The following SSBP2 variants were observed in gnomAD, a reference collection of about 807,000 sequenced individuals.
SSBP2 encodes single-stranded DNA-binding protein 2.
Under a neutral mutation model 61.8 loss-of-function variants are expected in SSBP2, and 17 were observed. The observed-to-expected ratio is 0.28, with a 90% confidence interval of 0.19 to 0.41. The LOEUF (loss-of-function observed/expected upper bound fraction) is 0.41. SSBP2 is among the 10% of genes least tolerant of loss of function. The probability of loss-of-function intolerance (pLI) is 1.00; values close to 1 mark genes in which losing one functional copy is unlikely to be tolerated. For missense variants in SSBP2, 310 were observed against 458.7 expected (o/e 0.68, Z 2.96); for synonymous variants, 139 against 141.3 (o/e 0.98, Z 0.12).
At chr5:81,441,743 T>C (rs1041451999) in intron 13 of SSBP2, among the ~76,000 whole-genome samples, 4 of 152,164 alleles carry the variant, frequency 2.6e-5, no homozygotes, top group African/African-American at 9.7e-5. Flanking sequence ...TAAAATTGAG[T>C]ATCTAAAAGC....
At chr5:81,716,369 C>T (rs1292268940) in intron 1 of SSBP2, among the ~76,000 whole-genome samples, 1 of 151,950 alleles carries the variant, frequency 6.6e-6, no homozygotes, top group South Asian at 2.1e-4. Context: ...AAAATGTGTA[C>T]AAAACACTGA....
At chr5:81,648,212 T>C (rs1194686211) in intron 2 of SSBP2, among the ~76,000 whole-genome samples, 4 of 152,142 alleles carry the variant, frequency 2.6e-5, no homozygotes, top group Non-Finnish European at 4.4e-5. Context: ...GCAATCTCAA[T>C]CACTTCTTCT....
At chr5:81,715,196 T>C (rs1482729437) in intron 1 of SSBP2, among the ~76,000 whole-genome samples, 1 of 151,960 alleles carries the variant, frequency 6.6e-6, no homozygotes, top group Admixed American at 6.6e-5. Context: ...TCAAAAGAAC[T>C]AACTCAATAA....
chr5:81,552,176 G>A (rs1211590118), intron 4 of SSBP2, among the ~76,000 whole-genome samples: 2 of 152,078 alleles, frequency 1.3e-5, no homozygotes, highest in African/African-American at 4.8e-5. Context: ...AGATAAATAA[G>A]CAAACAAGAG....
chr5:81,728,175 A>G (rs933080878), intron 1 of SSBP2, among the ~76,000 whole-genome samples: 3 of 152,238 alleles, frequency 2.0e-5, no homozygotes, highest in African/African-American at 7.2e-5. Flanking sequence ...GGGGAGTGAC[A>G]TGACAAGATA....
At chr5:81,428,323 T>C (rs1762080733) in intron 16 of SSBP2, among the ~76,000 whole-genome samples, 2 of 152,224 alleles carry the variant, frequency 1.3e-5, no homozygotes. Context: ...AGGCAACCTG[T>C]TTCCAGTTTG....
At chr5:81,581,649 G>C (rs952527271) in intron 4 of SSBP2, among the ~76,000 whole-genome samples, 1 of 152,118 alleles carries the variant, frequency 6.6e-6, no homozygotes, top group Non-Finnish European at 1.5e-5. Context: ...TAAAGTATAT[G>C]AGTTTATGAG....
intron 8 of SSBP2, 86 bp downstream of exon 8, chr5:81,473,614 C>G (rs1375555364): frequency 3.4e-6 from 4 of 1,161,856 alleles, no homozygotes; most frequent in Non-Finnish European, 5.1e-6. Flanking sequence ...ATACATGTAC[C>G]ACATTCTCTT....
rs185099517 is a variant in SSBP2, at chr5:81,716,777, T to C, written c.62+34204A>G. 6.5e-3 allele frequency among the ~76,000 whole-genome samples: 995 copies of C among 152,324 alleles called. 3 individuals carry two copies. The highest frequency in any genetic ancestry group is 0.01 in the Non-Finnish European group (703 of 68,028). On this transcript the variant is annotated intron_variant, in intron 1 of 16. Coordinates refer to ENST00000320672, the MANE Select transcript of SSBP2 (RefSeq NM_012446.5). ...GACTACCTAACATAATGCCTTATTG[T>C]AAGTACACTGCTATTATGAAGTTTA...
intron 4 of SSBP2, among the ~76,000 whole-genome samples, chr5:81,568,424 C>T (rs1342504004): frequency 6.6e-6 from 1 of 152,134 alleles, no homozygotes; most frequent in Non-Finnish European, 1.5e-5. Flanking sequence ...GTGAGGCTTC[C>T]CCTGCCACAT....
At chr5:81,426,336 C>T (rs2153899288) in intron 16 of SSBP2, among the ~76,000 whole-genome samples, 1 of 152,356 alleles carries the variant, frequency 6.6e-6, no homozygotes, top group South Asian at 2.1e-4. Flanking sequence ...CAGTGTGTAC[C>T]TGCTTCCAAG....
intron 9 of SSBP2, among the ~76,000 whole-genome samples, chr5:81,461,445 TA>T: frequency 6.6e-6 from 1 of 152,230 alleles, no homozygotes; most frequent in East Asian, 1.9e-4. Context: ...TATTATGAAC[TA>T]AATATAAACC....
chr5:81,458,124 C>T (rs1012194462), intron 10 of SSBP2, among the ~76,000 whole-genome samples: 9 of 152,204 alleles, frequency 5.9e-5, no homozygotes, highest in Admixed American at 5.2e-4. Flanking sequence ...AACAACCTCC[C>T]GCTCCAAACA....
intron 2 of SSBP2, among the ~76,000 whole-genome samples, chr5:81,640,426 G>A (rs1213119404): frequency 2.0e-5 from 3 of 152,020 alleles, no homozygotes; most frequent in Admixed American, 6.6e-5. Context: ...GGAACTTGAA[G>A]TTAGAAAAAC....
intron 15 of SSBP2, among the ~76,000 whole-genome samples, chr5:81,432,344 A>C (rs763945249): frequency 6.6e-6 from 1 of 152,216 alleles, no homozygotes; most frequent in Non-Finnish European, 1.5e-5. Context: ...ATTAAACATG[A>C]TATGATCAGA....
chr5:81,544,362 T>C (rs550251579), intron 4 of SSBP2, among the ~76,000 whole-genome samples: 43 of 152,190 alleles, frequency 2.8e-4, no homozygotes, highest in Admixed American at 9.8e-4. Flanking sequence ...TTATTTCTTA[T>C]TGTCAAGTGA....
At chr5:81,727,243 G>T (rs542481302) in intron 1 of SSBP2, among the ~76,000 whole-genome samples, 2 of 152,254 alleles carry the variant, frequency 1.3e-5, no homozygotes, top group South Asian at 2.1e-4. Flanking sequence ...ATTGTTGGGG[G>T]TATTAATCAC....
chr5:81,587,762 C>CGCGT (rs1554092920), intron 4 of SSBP2, among the ~76,000 whole-genome samples: 16 of 127,932 alleles, frequency 1.3e-4, no homozygotes, highest in African/African-American at 5.3e-4. Context: ...CACACGCGCG[C>CGCGT]GCACACACAC....
chr5:81,551,682 AT>A lies in SSBP2; in HGVS notation c.283-37966del, dbSNP rs540730486. On this transcript the variant is annotated intron_variant, in intron 4 of 16. Transcript: ENST00000320672. ...AGCTCTCAACTTAAATCTTATTTAA[AT>A]TTTTTGTTGGTCACGTGACATTTAG... Among the ~76,000 whole-genome samples the A allele has an allele frequency of 2.6e-3, 396 of 152,306 alleles. 1 individual carries two copies. The highest frequency in any genetic ancestry group is 8.5e-3 in the African/African-American group (352 of 41,576).
Sources: gnomAD v4.1 joint callset for allele counts (sites outside exome capture counted in the v4.1 genomes callset) on GRCh38, gnomAD v4.1.1 for gene constraint, MANE v1.5 for transcripts, NCBI Gene and HGNC (gene_info 2026-07-23, HGNC 2026-07-21) for gene names.